Variants in CD38 observed in about 807,000 individuals in gnomAD.
The protein encoded by CD38 is ADP-ribosyl cyclase/cyclic ADP-ribose hydrolase 1.
Under a neutral mutation model 36.3 loss-of-function variants are expected in CD38, and 31 were observed. The observed-to-expected ratio is 0.85, with a 90% CI of 0.64 to 1.15. The LOEUF (loss-of-function observed/expected upper bound fraction) is 1.15. Ranked by LOEUF, CD38 falls within the 50% of genes most tolerant of loss-of-function variation. The pLI is 0.00. For synonymous variants in CD38, 131 were observed against 135.2 expected, an observed-to-expected ratio of 0.97 and a Z score of 0.22; for missense variants, 380 against 371.9, an observed-to-expected ratio of 1.02 and a Z score of -0.18.
intron 7 of CD38, among the ~76,000 whole-genome samples, chr4:15,847,502 A>G (rs2148929762): frequency 9.3e-6 from 1 of 107,190 alleles, no homozygotes; most frequent in East Asian, 3.0e-4. Context: ...TGGCACATGT[A>G]TACATATGTA....
At chr4:15,791,376 G>A (rs867735531) in intron 1 of CD38, among the ~76,000 whole-genome samples, 94 of 24,308 alleles carry the variant, frequency 3.9e-3, no homozygotes, top group African/African-American at 0.024. Flanking sequence ...CCGCCCGGCC[G>A]GCCGCCCCGT....
At chr4:15,800,270 T>C (rs1160218535) in intron 1 of CD38, among the ~76,000 whole-genome samples, 1 of 152,194 alleles carries the variant, frequency 6.6e-6, no homozygotes, top group Non-Finnish European at 1.5e-5. Context: ...TTTTTTCCTC[T>C]TTCTTTAATT....
chr4:15,783,236 C>G (rs186220914), intron 1 of CD38, among the ~76,000 whole-genome samples: 4 of 152,070 alleles, frequency 2.6e-5, no homozygotes. Context: ...ATAGTCAGGA[C>G]GGACCCAGGT....
At chr4:15,847,821 C>T (rs1724296581) in intron 7 of CD38, among the ~76,000 whole-genome samples, 1 of 152,132 alleles carries the variant, frequency 6.6e-6, no homozygotes. Flanking sequence ...AATTCGTCAA[C>T]TCCCCTCATT....
intron 1 of CD38, among the ~76,000 whole-genome samples, chr4:15,789,540 T>C (rs956925020): frequency 1.6e-4 from 25 of 152,112 alleles, no homozygotes; most frequent in Admixed American, 1.6e-3. Context: ...GATGCTATGG[T>C]TTGCACATTT....
At chr4:15,818,351 CA>C (rs1017623481) in intron 2 of CD38, among the ~76,000 whole-genome samples, 3 of 152,176 alleles carry the variant, frequency 2.0e-5, no homozygotes, top group African/African-American at 7.2e-5. Context: ...GGCTTACAGA[CA>C]AAACCTCCGT....
intron 1 of CD38, among the ~76,000 whole-genome samples, chr4:15,792,712 T>C (rs1337254416): frequency 6.6e-6 from 1 of 152,174 alleles, no homozygotes; most frequent in Non-Finnish European, 1.5e-5. Flanking sequence ...AGTCTGTATC[T>C]CTAAATCTTT....
intron 1 of CD38, among the ~76,000 whole-genome samples, chr4:15,786,615 G>A (rs1404814590): frequency 6.6e-6 from 1 of 152,228 alleles, no homozygotes; most frequent in Non-Finnish European, 1.5e-5. Context: ...CAATCCCTTA[G>A]CTAGACATAA....
rs553415580 is a variant in CD38 at position 15,805,498 on chromosome 4, T to C, written c.234-11013T>C. 5.3e-5 allele frequency among the ~76,000 whole-genome samples: 8 copies of C among 152,332 alleles called. No individual in the cohort carries two copies. The South Asian group carries it at 1.7e-3, about 32-fold the overall frequency. On this transcript the variant is annotated intron_variant, in intron 1 of 7. Transcript: ENST00000226279. ...TTACATTTTTTTCTCATAGAACTCA[T>C]AAATTTCTAGCATGCTTTATAACTT...
At chr4:15,824,790 C>G (rs1723812559) in intron 2 of CD38, 91 bp from the exon 3 acceptor site, 2 of 990,604 alleles carry the variant, frequency 2.0e-6, no homozygotes, top group South Asian at 1.5e-5. Context: ...TTGATATGCT[C>G]TGTTTTTTTT....
intron 2 of CD38, among the ~76,000 whole-genome samples, chr4:15,819,560 T>A (rs768247602): frequency 1.3e-5 from 2 of 152,098 alleles, no homozygotes; most frequent in African/African-American, 2.4e-5. Context: ...ATAAATGACC[T>A]GATGGAGCTG....
Position 15,778,480 on chromosome 4 carries a change from C to A in CD38, c.66C>A (p.Ala22=). The change falls in exon 1 of 8, where the codon GCC becomes GCA. Residue 22 remains alanine (A), a synonymous_variant. Transcript: ENST00000226279. The surrounding 1 kb of genome is among the most constrained non-coding windows in gnomAD (Gnocchi z 4.9). The part of the protein sequence containing the change: ...DKPCCRLSRR[A]QLCLGVSILV... ...CCTGCTGCCGGCTCTCTAGGAGAGC[C>A]CAACTCTGTCTTGGCGTCAGTATCC... 6.2e-7 allele frequency: 1 copy of A among 1,613,900 alleles called. No individual in the cohort carries two copies. Among genetic ancestry groups the A allele is most frequent in the African/African-American group, 1.3e-5 (1 of 74,992 alleles).
chr4:15,849,943 A>C lies in CD38; in HGVS notation c.*1341A>C, dbSNP rs752079177. 13 of 152,172 alleles carry C rather than the reference A, an allele frequency of 8.5e-5. No individual in the cohort carries two copies. Among genetic ancestry groups the C allele is most frequent in the African/African-American group, 3.1e-4 (13 of 41,436 alleles). The allele number at this position is 152,172 out of a possible 1,614,324, so 9.4% of individuals were successfully genotyped here. ...CTCTCTTTATTATCCTTCAGTTAAA[A>C]ATATCTTTCAATTCATTGTTATATA... On this transcript the variant is annotated 3_prime_UTR_variant, in exon 8 of 8. Transcript: ENST00000226279.
chr4:15,831,701 C>T (rs576858948), intron 3 of CD38, among the ~76,000 whole-genome samples: 1 of 152,196 alleles, frequency 6.6e-6, no homozygotes, highest in South Asian at 2.1e-4. Flanking sequence ...TCTCTTGCTG[C>T]TTTTAGGATC....
chr4:15,814,377 C>A (rs1723537993), intron 1 of CD38, among the ~76,000 whole-genome samples: 1 of 152,056 alleles, frequency 6.6e-6, no homozygotes, highest in Non-Finnish European at 1.5e-5. Flanking sequence ...AAAATTTCTC[C>A]CATTCTGTAG....
At chr4:15,790,785 G>A (rs555848338) in intron 1 of CD38, among the ~76,000 whole-genome samples, 5 of 150,204 alleles carry the variant, frequency 3.3e-5, no homozygotes, top group South Asian at 4.2e-4. Context: ...GTCTCTGCCC[G>A]GCCGCCCATC....
intron 4 of CD38, among the ~76,000 whole-genome samples, chr4:15,835,643 G>C (rs1037618297): frequency 2.6e-5 from 4 of 151,822 alleles, no homozygotes; most frequent in Admixed American, 6.6e-5. Context: ...CTCCCAAGGT[G>C]CTAAGACTAC....
rs1724328194 is a variant in CD38, at chr4:15,849,000, T to C, written c.*398T>C. 1.3e-5 allele frequency: 2 copies of C among 159,178 alleles called. No individual in the cohort carries two copies. The highest frequency in any genetic ancestry group is 2.4e-5 in the African/African-American group (1 of 41,608). 9.9% of individuals were successfully genotyped at this position (159,178 alleles called of 1,614,324 possible). On this transcript the variant is annotated 3_prime_UTR_variant, in exon 8 of 8. Transcript: ENST00000226279. ...CTCAAGTTTTTCAGAAAGCATTACA[T>C]TTCCAAATGAATGACCTTGTTGCAT...
intron 1 of CD38, among the ~76,000 whole-genome samples, chr4:15,783,512 T>C (rs1443038495): frequency 6.6e-6 from 1 of 152,192 alleles, no homozygotes; most frequent in Non-Finnish European, 1.5e-5. Context: ...GTGGGGGCCC[T>C]GTGGGGAAGG....
Sources: allele counts gnomAD v4.1 joint callset (sites outside exome capture counted in the v4.1 genomes callset), GRCh38; gene constraint gnomAD v4.1.1; non-coding constraint Gnocchi (gnomAD v3.1); transcripts MANE v1.5; gene names NCBI Gene and HGNC (gene_info 2026-07-23, HGNC 2026-07-21).